RUNX1T1: variants seen among roughly 807,000 people sequenced by gnomAD.
RUNX1T1 encodes the protein protein CBFA2T1.
RUNX1T1 carries 4 observed loss-of-function variants against 62.8 expected under a neutral mutation model. That is an observed-to-expected ratio of 0.06 (90% CI 0.03 to 0.15). The LOEUF is 0.15. Ranked by LOEUF, RUNX1T1 falls within the 10% of genes least tolerant of loss-of-function variation. The probability of loss-of-function intolerance (pLI) is 1.00; values close to 1 mark genes in which losing one functional copy is unlikely to be tolerated. For synonymous variants in RUNX1T1, 291 were observed against 286.0 expected (o/e 1.02, Z -0.18); for missense variants, 508 against 754.3 (o/e 0.67, Z 3.82).
At chr8:91,991,994 G>A in intron 5 of RUNX1T1, 105 bp from the exon 7 acceptor site, 3 of 1,245,710 alleles carry the variant, frequency 2.4e-6, no homozygotes, top group Non-Finnish European at 3.4e-6. Flanking sequence ...ATTTTTTATT[G>A]GCCAGAAACC....
intron 10 of RUNX1T1, 147 bp downstream of exon 11, chr8:91,970,511 G>T: frequency 1.5e-6 from 1 of 675,456 alleles, no homozygotes; most frequent in Non-Finnish European, 2.2e-6. Context: ...TCAGCTCTTG[G>T]CAAATTTCAT....
chr8:91,956,430 G>A (rs1809397295), downstream of RUNX1T1: 3 of 228,802 alleles, frequency 1.3e-5, no homozygotes, highest in Non-Finnish European at 2.6e-5. Context: ...CATGGAGGAT[G>A]GACTCCTCAG....
At chr8:92,091,968 T>A (rs1837093622) in intron 1 of RUNX1T1, among the ~76,000 whole-genome samples, 1 of 152,154 alleles carries the variant, frequency 6.6e-6, no homozygotes, top group African/African-American at 2.4e-5. Context: ...ATATTTTGAG[T>A]TTATCTGTGA....
At chr8:92,099,176 A>C (rs189903742) in intron 1 of RUNX1T1, among the ~76,000 whole-genome samples, 47 of 152,256 alleles carry the variant, frequency 3.1e-4, no homozygotes, top group African/African-American at 1.1e-3. Context: ...GGGAGACAAC[A>C]TTTTTCTTGA....
At chr8:91,993,239 G>A (rs1818031006) in intron 5 of RUNX1T1, among the ~76,000 whole-genome samples, 1 of 152,096 alleles carries the variant, frequency 6.6e-6, no homozygotes, top group Non-Finnish European at 1.5e-5. Context: ...AGCAATTCAG[G>A]TGGAAACTGA....
At chr8:92,076,749 CT>C (rs1834487382) in intron 1 of RUNX1T1, among the ~76,000 whole-genome samples, 2 of 151,950 alleles carry the variant, frequency 1.3e-5, no homozygotes, top group Admixed American at 6.6e-5. Context: ...ACTTCTACAC[CT>C]TTTCTTCCTT....
intron 2 of RUNX1T1, among the ~76,000 whole-genome samples, chr8:92,072,184 A>C (rs1833786419): frequency 6.6e-6 from 1 of 152,226 alleles, no homozygotes; most frequent in Non-Finnish European, 1.5e-5. Context: ...AATTCAAAGA[A>C]GGCTCACCAA....
intron 1 of RUNX1T1, among the ~76,000 whole-genome samples, chr8:92,029,626 C>T (rs1825868832): frequency 6.6e-6 from 1 of 152,142 alleles, no homozygotes; most frequent in East Asian, 1.9e-4. Context: ...AGCTTCGTCT[C>T]CCACACTTGC....
At chr8:91,970,741 T>A in exon 10 of RUNX1T1, 1 of 1,613,928 alleles carries the variant, frequency 6.2e-7, no homozygotes, top group South Asian at 1.1e-5. Flanking sequence ...GTGCGCTCCA[T>A]CTTGGCCCTC....
At chr8:91,963,307 T>G (rs1310434529) in intron 10 of RUNX1T1, among the ~76,000 whole-genome samples, 2 of 152,204 alleles carry the variant, frequency 1.3e-5, no homozygotes, top group African/African-American at 2.4e-5. Context: ...AACCTTCAGC[T>G]GTAGGAAGTT....
intron 1 of RUNX1T1, among the ~76,000 whole-genome samples, chr8:92,037,742 A>G (rs1051468371): frequency 6.6e-6 from 1 of 152,164 alleles, no homozygotes; most frequent in African/African-American, 2.4e-5. Flanking sequence ...ATAATCTGTT[A>G]CAGGTCTTCT....
chr8:91,998,701 C>A (rs1198579775), intron 5 of RUNX1T1, among the ~76,000 whole-genome samples: 1 of 152,188 alleles, frequency 6.6e-6, no homozygotes, highest in Non-Finnish European at 1.5e-5. Flanking sequence ...CTTTTCTAAT[C>A]TCTGCCACTG....
intron 8 of RUNX1T1, among the ~76,000 whole-genome samples, chr8:91,976,905 A>T (rs1899665): frequency 0.059 from 8,968 of 152,206 alleles, 879 homozygotes; most frequent in African/African-American, 0.2. Flanking sequence ...AACTTAATTA[A>T]TAAGCCCATG....
intron 1 of RUNX1T1, among the ~76,000 whole-genome samples, chr8:92,099,148 C>T (rs1837925250): frequency 6.6e-6 from 1 of 152,136 alleles, no homozygotes; most frequent in African/African-American, 2.4e-5. Context: ...AAAAGGCAAA[C>T]ATAATTTAAC....
At chr8:92,102,094 G>C (rs564507955), upstream of RUNX1T1, among the ~76,000 whole-genome samples, 16 of 152,336 alleles carry the variant, frequency 1.1e-4, no homozygotes, top group South Asian at 2.7e-3. This position sits in a 1 kb window ranked among gnomAD's most constrained non-coding sequence, Gnocchi z 4.5. Flanking sequence ...GGAACACCCA[G>C]GAGGGCCGGG....
intron 1 of RUNX1T1, among the ~76,000 whole-genome samples, chr8:92,087,013 TA>T (rs1836237624): frequency 6.6e-6 from 1 of 152,208 alleles, no homozygotes; most frequent in South Asian, 2.1e-4. Flanking sequence ...GCTCAATTTT[TA>T]TTTTAACCTT....
At chr8:91,959,626 C>G (rs1810025015) in exon 11 of RUNX1T1, 1 of 221,524 alleles carries the variant, frequency 4.5e-6, no homozygotes, top group East Asian at 6.3e-5. Context: ...TATTTCTTTT[C>G]AGAAACAGGA....
At chr8:92,050,182 CA>C (rs1254088410) in intron 1 of RUNX1T1, among the ~76,000 whole-genome samples, 1 of 152,040 alleles carries the variant, frequency 6.6e-6, no homozygotes, top group African/African-American at 2.4e-5. Flanking sequence ...AAGAAGAAAT[CA>C]GGGGGAGGAA....
intron 3 of RUNX1T1, among the ~76,000 whole-genome samples, chr8:92,012,807 G>A (rs2131116488): frequency 6.6e-6 from 1 of 151,560 alleles, no homozygotes; most frequent in African/African-American, 2.4e-5. Context: ...ATGTAAAATG[G>A]CTTGTAAGCC....
Sources: allele counts gnomAD v4.1 joint callset (sites outside exome capture counted in the v4.1 genomes callset), GRCh38; gene constraint gnomAD v4.1.1; non-coding constraint Gnocchi (gnomAD v3.1); transcripts MANE v1.5; gene names NCBI Gene and HGNC (gene_info 2026-07-23, HGNC 2026-07-21).